Variants in SCRG1 observed in about 807,000 individuals in gnomAD.
SCRG1 encodes stimulator of chondrogenesis 1, also known as scrapie-responsive protein 1.
Under a neutral mutation model 7.7 loss-of-function variants are expected in SCRG1, and 3 were observed. The observed-to-expected ratio is 0.39, with a 90% CI of 0.18 to 1.01. SCRG1 has a LOEUF of 1.01. Among genes scored for constraint, SCRG1 ranks in the 50% least tolerant of loss-of-function variants. SCRG1 has a pLI of 0.36. For missense variants in SCRG1, 110 were observed against 117.2 expected (o/e 0.94, Z 0.28); for synonymous variants, 46 against 41.2 (o/e 1.12, Z -0.44).
chr4:173,388,347 A>C lies in SCRG1; in HGVS notation c.291T>G (p.Asn97Lys), dbSNP rs1739306702. ...CCAGAATACATGAAGATTCTCATTGATTGTTGCAAGGAATCACGAAAGAGA... is the reference window on the plus strand; with the variant it reads ...CCAGAATACATGAAGATTCTCATTGCTTGTTGCAAGGAATCACGAAAGAGA... ...PKISFVIPCN[N>K]Q The change falls in exon 3 of 3, where the codon AAT becomes AAG. Residue 97 changes from asparagine (N) to lysine (K), a missense_variant. Transcript: ENST00000296506. The C allele has an allele frequency of 4.3e-6, 7 of 1,611,124 alleles. No homozygotes were observed. The South Asian group carries it at 4.4e-5, about 10-fold the overall frequency.
chr4:173,483,212 CATATAAT>C, the SCRG1 span, among the ~76,000 whole-genome samples: 2 of 14,658 alleles, frequency 1.4e-4, no homozygotes, highest in South Asian at 4.3e-3. Flanking sequence ...TATGATATAT[CATATAAT>C]ATATATATTA....
the SCRG1 span, among the ~76,000 whole-genome samples, chr4:173,484,449 A>ACATATTATATACATATAATATATAT: frequency 8.3e-5 from 1 of 12,116 alleles, no homozygotes; most frequent in African/African-American, 2.3e-4. Flanking sequence ...ATGATATATA[A>ACATATTATATACATATAATATATAT]TATATATTAT....
At chr4:173,481,677 G>C in the SCRG1 span, among the ~76,000 whole-genome samples, 437 of 152,188 alleles carry the variant, frequency 2.9e-3, 2 homozygotes, top group African/African-American at 9.9e-3. Context: ...GGACACGGAT[G>C]AAGACCTTTA....
At chr4:173,484,502 ATTATATATT>A in the SCRG1 span, among the ~76,000 whole-genome samples, 1 of 46,884 alleles carries the variant, frequency 2.1e-5, no homozygotes, top group African/African-American at 7.6e-5. Flanking sequence ...TATAATATAT[ATTATATATT>A]ATATACATAT....
chr4:173,462,968 A>T, the SCRG1 span, among the ~76,000 whole-genome samples: 7 of 152,208 alleles, frequency 4.6e-5, no homozygotes. Flanking sequence ...CACAAAAATT[A>T]AAAAGCAAGA....
At chr4:173,493,121 C>T in the SCRG1 span, among the ~76,000 whole-genome samples, 2 of 152,108 alleles carry the variant, frequency 1.3e-5, no homozygotes, top group East Asian at 1.9e-4. Context: ...TACGGTTTGG[C>T]TCTGTGTCCC....
chr4:173,484,505 A>ATATATTATATACATATAATATATATTG, the SCRG1 span, among the ~76,000 whole-genome samples: 1 of 80,340 alleles, frequency 1.2e-5, no homozygotes, highest in Non-Finnish European at 2.1e-5. Flanking sequence ...AATATATATT[A>ATATATTATATACATATAATATATATTG]TATATTATAT....
the SCRG1 span, among the ~76,000 whole-genome samples, chr4:173,426,000 C>G: frequency 6.6e-6 from 1 of 152,210 alleles, no homozygotes; most frequent in South Asian, 2.1e-4. Flanking sequence ...GGGGCTGAGG[C>G]CCCAAGCTAA....
chr4:173,512,830 T>C, the SCRG1 span, among the ~76,000 whole-genome samples: 1 of 152,198 alleles, frequency 6.6e-6, no homozygotes, highest in Admixed American at 6.5e-5. Context: ...AAGGGTCACA[T>C]TGATGTAAAT....
chr4:173,423,524 G>A, the SCRG1 span, among the ~76,000 whole-genome samples: 391 of 152,078 alleles, frequency 2.6e-3, 3 homozygotes, highest in South Asian at 0.018. Flanking sequence ...TTAAAATGAA[G>A]GTAATCTGGA....
the SCRG1 span, among the ~76,000 whole-genome samples, chr4:173,412,971 C>T: frequency 6.6e-6 from 1 of 152,190 alleles, no homozygotes; most frequent in Non-Finnish European, 1.5e-5. Context: ...CCTGCCACAT[C>T]TACCGACATG....
At chr4:173,457,896 G>A in the SCRG1 span, among the ~76,000 whole-genome samples, 2 of 152,066 alleles carry the variant, frequency 1.3e-5, no homozygotes, top group African/African-American at 4.8e-5. Flanking sequence ...GCTCCCTGAA[G>A]GAGTCATACT....
At chr4:173,445,941 G>A in the SCRG1 span, among the ~76,000 whole-genome samples, 2 of 152,118 alleles carry the variant, frequency 1.3e-5, no homozygotes, top group Admixed American at 1.3e-4. Context: ...TGGGATTACA[G>A]GCATGAGCCA....
At chr4:173,501,819 C>T in the SCRG1 span, among the ~76,000 whole-genome samples, 1 of 152,148 alleles carries the variant, frequency 6.6e-6, no homozygotes, top group African/African-American at 2.4e-5. This position sits in a 1 kb window ranked among gnomAD's most constrained non-coding sequence, Gnocchi z 5.1. Flanking sequence ...CGGAAATGAA[C>T]TGGATACACA....
At chr4:173,463,679 C>T in the SCRG1 span, among the ~76,000 whole-genome samples, 2 of 152,268 alleles carry the variant, frequency 1.3e-5, no homozygotes, top group Non-Finnish European at 2.9e-5. Context: ...AACTCTTTAA[C>T]CTATCTTGGT....
At chr4:173,439,200 A>G in the SCRG1 span, among the ~76,000 whole-genome samples, 1 of 152,112 alleles carries the variant, frequency 6.6e-6, no homozygotes, top group Non-Finnish European at 1.5e-5. Flanking sequence ...AACACTTCCA[A>G]CGAGTCAGGA....
the SCRG1 span, among the ~76,000 whole-genome samples, chr4:173,477,211 A>G: frequency 1.4e-4 from 22 of 152,268 alleles, no homozygotes; most frequent in African/African-American, 5.1e-4. Context: ...CTCGTGTCTC[A>G]TATCTTACTG....
At chr4:173,435,142 G>A in the SCRG1 span, among the ~76,000 whole-genome samples, 2 of 87,314 alleles carry the variant, frequency 2.3e-5, no homozygotes, top group Admixed American at 1.2e-4. Flanking sequence ...GTGTGTGTGT[G>A]TGTGTGTGTG....
chr4:173,448,714 C>T, the SCRG1 span, among the ~76,000 whole-genome samples: 1 of 152,186 alleles, frequency 6.6e-6, no homozygotes, highest in African/African-American at 2.4e-5. Flanking sequence ...TCTTACTTAA[C>T]TCTCTTAATT....
Sources: allele counts gnomAD v4.1 joint callset (sites outside exome capture counted in the v4.1 genomes callset), GRCh38; gene constraint gnomAD v4.1.1; non-coding constraint Gnocchi (gnomAD v3.1); transcripts MANE v1.5; gene names NCBI Gene and HGNC (gene_info 2026-07-23, HGNC 2026-07-21).